SEC24A: variants seen among roughly 807,000 people sequenced by gnomAD.
SEC24A encodes the protein protein transport protein Sec24A.
A neutral mutation model predicts 129.4 loss-of-function variants in SEC24A; 93 were observed. That is an observed-to-expected ratio of 0.72 (90% CI 0.61 to 0.85). The LOEUF (loss-of-function observed/expected upper bound fraction) is 0.85. SEC24A is among the 40% of genes least tolerant of loss of function. The pLI, the probability that SEC24A is intolerant of heterozygous loss-of-function variation, is 0.00. For synonymous variants in SEC24A, 460 were observed against 467.3 expected (o/e 0.98, Z 0.20); for missense variants, 1,264 against 1,307.4 (o/e 0.97, Z 0.51).
At chr5:134,709,036 T>G in intron 18 of SEC24A, 148 bp downstream of exon 18, 1 of 721,542 alleles carries the variant, frequency 1.4e-6, no homozygotes, top group Non-Finnish European at 2.3e-6. Flanking sequence ...TGAAACCTGG[T>G]CTCTGCAAAA....
chr5:134,676,520 C>G (rs953182578), intron 7 of SEC24A, among the ~76,000 whole-genome samples: 5 of 150,964 alleles, frequency 3.3e-5, no homozygotes, highest in African/African-American at 1.2e-4. Flanking sequence ...CTCGGCTCAC[C>G]GCAATCTCCG....
intron 1 of SEC24A, among the ~76,000 whole-genome samples, chr5:134,649,721 AG>A (rs1278879837): frequency 6.6e-6 from 1 of 152,170 alleles, no homozygotes. Flanking sequence ...ACCAAATAGA[AG>A]GGAGGATCTC....
rs575266001 is a variant in SEC24A, at chr5:134,689,573, C to T, written c.1723+1274C>T. ...GTCAAGAGATCAAGACCATCCTGGC[C>T]AACATGGTGAAACCCCGTCTCTACT... On this transcript the variant is annotated intron_variant, in intron 11 of 22. Transcript: ENST00000398844. Among the ~76,000 whole-genome samples the T allele has an allele frequency of 3.5e-3, 540 of 152,142 alleles. 4 individuals carry two copies. The highest frequency in any genetic ancestry group is 0.012 in the African/African-American group (515 of 41,518).
Position 134,708,803 on chromosome 5 carries a change from CA to C in SEC24A, c.2643del (p.Val882SerfsTer2). The C allele has an allele frequency of 6.2e-7, 1 of 1,614,146 alleles. No individual in the cohort carries two copies. Among genetic ancestry groups the C allele is most frequent in the East Asian group, 2.2e-5 (1 of 44,886 alleles). On this transcript the variant is annotated frameshift_variant, in exon 18 of 23. Coordinates refer to ENST00000398844, the MANE Select transcript of SEC24A (RefSeq NM_021982.3). LOFTEE classifies it high-confidence loss of function. ...VIDSLSAYRSSVLSNQQPGLM... is the reference protein window; with the variant it reads ...VIDSLSAYRSXVLSNQQPGLM... The stretch of plus-strand genomic sequence containing the variant: ...GACTCCCTTTCAGCTTACCGTTCTT[CA>C]GTCTTAAGTAACCAGCAGCCTGGAC...
intron 18 of SEC24A, among the ~76,000 whole-genome samples, 160 bp downstream of exon 18, chr5:134,709,048 A>C (rs1352022229): frequency 6.6e-6 from 1 of 152,092 alleles, no homozygotes; most frequent in Non-Finnish European, 1.5e-5. Context: ...TCTGCAAAAA[A>C]TACAAAAAAA....
Position 134,725,312 on chromosome 5 carries a change from A to G in SEC24A, c.*218A>G. Reference sequence around the variant, plus strand: ...GTATTTTTCAAATCAGAATATAGCTACGTATGATTGGATACTTTTTTCTTG... The same window carrying G: ...GTATTTTTCAAATCAGAATATAGCTGCGTATGATTGGATACTTTTTTCTTG... On this transcript the variant is annotated 3_prime_UTR_variant, in exon 23 of 23. Transcript: ENST00000398844. 2.6e-6 allele frequency: 1 copy of G among 379,626 alleles called. No individual in the cohort carries two copies. Among genetic ancestry groups the G allele is most frequent in the South Asian group, 6.5e-5 (1 of 15,480 alleles). 23.5% of individuals were successfully genotyped at this position (379,626 alleles called of 1,614,324 possible). A position where few individuals can be genotyped will look rare whatever the true frequency, so the allele number is the denominator to read the frequency against.
At position 134,679,597 on chromosome 5, in the gene SEC24A, T is replaced by TC; in HGVS notation, c.1255-3dup. ...AAAAATTTAATTCTGTTTTTTTTTT[T>TC]CCAGCAATTGCCTGTGGTTACCTCC... On this transcript the variant is annotated splice_region_variant and splice_polypyrimidine_tract_variant and intron_variant, in intron 7 of 22. Transcript: ENST00000398844. The TC allele has an allele frequency of 6.5e-7, 1 of 1,548,766 alleles. No individual in the cohort carries two copies.
At chr5:134,705,070 TTATATA>T (rs764489420) in intron 16 of SEC24A, among the ~76,000 whole-genome samples, 1,921 of 133,326 alleles carry the variant, frequency 0.014, 59 homozygotes, top group African/African-American at 0.052. Flanking sequence ...ATATTTATAT[TTATATA>T]TATATATATA....
chr5:134,711,546 A>G (rs1752324655), intron 18 of SEC24A, among the ~76,000 whole-genome samples: 1 of 149,594 alleles, frequency 6.7e-6, no homozygotes, highest in Non-Finnish European at 1.5e-5. Context: ...TAAGAAAAAT[A>G]AAGGACTGCT....
intron 11 of SEC24A, among the ~76,000 whole-genome samples, chr5:134,691,198 C>G (rs1383360563): frequency 4.2e-4 from 59 of 139,808 alleles, no homozygotes; most frequent in Middle Eastern, 4.6e-3. Flanking sequence ...GAGAAGGAGT[C>G]TTGCTCTGTC....
At chr5:134,658,933 G>A (rs954531713) in intron 1 of SEC24A, among the ~76,000 whole-genome samples, 11 of 152,198 alleles carry the variant, frequency 7.2e-5, no homozygotes, top group East Asian at 3.9e-4. Context: ...TCTTTTGGAA[G>A]GCTCTGTTTT....
intron 3 of SEC24A, 82 bp downstream of exon 3, chr5:134,667,078 T>A: frequency 8.3e-7 from 1 of 1,198,288 alleles, no homozygotes; most frequent in Non-Finnish European, 1.1e-6. Flanking sequence ...TTCTGTGCAT[T>A]AAAATCACAT....
intron 12 of SEC24A, chr5:134,692,893 A>C: frequency 1.3e-6 from 1 of 765,308 alleles, no homozygotes; most frequent in Non-Finnish European, 2.2e-6. Context: ...TATTCCATAA[A>C]GGAGGAACAC....
intron 1 of SEC24A, among the ~76,000 whole-genome samples, chr5:134,656,590 T>G (rs1176848267): frequency 2.0e-5 from 3 of 152,016 alleles, no homozygotes; most frequent in African/African-American, 7.2e-5. Context: ...CAAGCAATTC[T>G]CCTGCCTCAG....
intron 20 of SEC24A, among the ~76,000 whole-genome samples, chr5:134,720,423 G>A (rs887158754): frequency 6.6e-6 from 1 of 152,098 alleles, no homozygotes. Flanking sequence ...TTAACAACAC[G>A]TTTCTCAGCA....
intron 15 of SEC24A, among the ~76,000 whole-genome samples, chr5:134,698,988 C>T (rs988034788): frequency 3.3e-5 from 5 of 152,004 alleles, no homozygotes; most frequent in Non-Finnish European, 5.9e-5. Context: ...TGCAGTGGTG[C>T]AATCACAGCT....
intron 2 of SEC24A, among the ~76,000 whole-genome samples, chr5:134,662,375 C>T (rs758916285): frequency 6.6e-6 from 1 of 151,964 alleles, no homozygotes; most frequent in Non-Finnish European, 1.5e-5. Context: ...AGGATGGTCT[C>T]GATCTCCTGA....
At chr5:134,659,043 TTATTTTTA>T (rs1750347457) in intron 1 of SEC24A, among the ~76,000 whole-genome samples, 1 of 120,276 alleles carries the variant, frequency 8.3e-6, no homozygotes, top group South Asian at 2.5e-4. Context: ...ACTGACCCAT[TTATTTTTA>T]TTTATTTATT....
intron 20 of SEC24A, among the ~76,000 whole-genome samples, chr5:134,720,124 C>T (rs1227392660): frequency 3.3e-5 from 5 of 152,176 alleles, no homozygotes; most frequent in Non-Finnish European, 7.3e-5. Flanking sequence ...CAGTAATGTC[C>T]TAGGCCTTTA....
Sources: gnomAD v4.1 joint callset for allele counts (sites outside exome capture counted in the v4.1 genomes callset) on GRCh38, gnomAD v4.1.1 for gene constraint, MANE v1.5 for transcripts, NCBI Gene and HGNC (gene_info 2026-07-23, HGNC 2026-07-21) for gene names.